SEPTIN7: variants seen among roughly 807,000 people sequenced by gnomAD.
SEPTIN7 encodes the protein septin-7.
In SEPTIN7, 10 loss-of-function variants were observed where a neutral mutation model predicts 63.3. That is an observed-to-expected ratio of 0.16 (90% CI 0.10 to 0.27). SEPTIN7 has a LOEUF of 0.27. Among genes scored for constraint, SEPTIN7 ranks in the 10% least tolerant of loss-of-function variants. The pLI is 1.00. For missense variants in SEPTIN7, 310 were observed against 521.0 expected, an observed-to-expected ratio of 0.59 and a Z score of 3.94; for synonymous variants, 131 against 165.3, an observed-to-expected ratio of 0.79 and a Z score of 1.59.
chr7:35,891,014 G>A (rs1276557758), intron 11 of SEPTIN7, among the ~76,000 whole-genome samples: 2 of 152,142 alleles, frequency 1.3e-5, no homozygotes, highest in Non-Finnish European at 2.9e-5. Context: ...TGGAAACAAA[G>A]GACAGGCTTT....
chr7:35,882,456 CT>C, intron 7 of SEPTIN7, 27 bp from the exon 8 acceptor site: 1 of 1,421,772 alleles, frequency 7.0e-7, no homozygotes, highest in Non-Finnish European at 9.4e-7. Flanking sequence ...GTATGGTGCT[CT>C]TTTGCTGACT....
intron 7 of SEPTIN7, among the ~76,000 whole-genome samples, chr7:35,880,236 T>TC (rs1229919284): frequency 6.8e-6 from 1 of 146,092 alleles, no homozygotes; most frequent in Non-Finnish European, 1.5e-5. Context: ...TTTTTTTTTT[T>TC]TTTTTTTGAA....
chr7:35,821,247 G>A (rs529811795), intron 1 of SEPTIN7, among the ~76,000 whole-genome samples: 2 of 152,294 alleles, frequency 1.3e-5, no homozygotes, highest in African/African-American at 4.8e-5. Flanking sequence ...CAAGCTTTTA[G>A]TTAATTTCCA....
chr7:35,827,851 G>A (rs540938504), intron 1 of SEPTIN7, among the ~76,000 whole-genome samples: 2 of 152,126 alleles, frequency 1.3e-5, no homozygotes. Flanking sequence ...CCATATTTTT[G>A]TATCTGATAG....
rs181477962 is a variant in SEPTIN7 at position 35,849,763 on chromosome 7, A to G, written c.170-13789A>G. On this transcript the variant is annotated intron_variant, in intron 3 of 13. Transcript: ENST00000350320. ...ACCATTTGGCTTCTCTCCTTAACAC[A>G]AAACTACTTTTATTAAAGATCAGTA... 2.8e-4 allele frequency among the ~76,000 whole-genome samples: 43 copies of G among 152,322 alleles called. 1 individual carries two copies. Among genetic ancestry groups the G allele is most frequent in the South Asian group, 2.3e-3 (11 of 4,826 alleles).
intron 11 of SEPTIN7, among the ~76,000 whole-genome samples, chr7:35,896,781 G>T (rs1259376429): frequency 6.6e-6 from 1 of 152,178 alleles, no homozygotes; most frequent in Non-Finnish European, 1.5e-5. Context: ...TTAGCATGTA[G>T]AAGTTTTCTT....
intron 3 of SEPTIN7, among the ~76,000 whole-genome samples, chr7:35,861,969 C>T (rs1213271573): frequency 6.6e-6 from 1 of 152,154 alleles, no homozygotes; most frequent in African/African-American, 2.4e-5. Context: ...TTGTTTTTCA[C>T]AGGTCCTGTA....
intron 11 of SEPTIN7, among the ~76,000 whole-genome samples, chr7:35,892,724 T>C (rs1435705116): frequency 1.3e-5 from 2 of 151,914 alleles, no homozygotes; most frequent in Non-Finnish European, 1.5e-5. Context: ...TATACAAAAT[T>C]CTACTGTGTG....
intron 10 of SEPTIN7, chr7:35,890,459 A>G (rs937108563): frequency 1.3e-5 from 4 of 305,396 alleles, no homozygotes; most frequent in African/African-American, 2.2e-5. Flanking sequence ...TGGAATCTAA[A>G]TTTGGTGTCA....
intron 6 of SEPTIN7, among the ~76,000 whole-genome samples, chr7:35,875,426 A>T (rs1407021335): frequency 1.4e-4 from 21 of 152,160 alleles, no homozygotes; most frequent in Admixed American, 1.2e-3. Flanking sequence ...CTGAAATTCC[A>T]TGCAGTCTAA....
At chr7:35,828,731 A>G (rs1783649229) in intron 1 of SEPTIN7, among the ~76,000 whole-genome samples, 3 of 151,938 alleles carry the variant, frequency 2.0e-5, no homozygotes, top group Admixed American at 2.0e-4. Context: ...TTTCAATAGT[A>G]TCTGCATGGC....
intron 1 of SEPTIN7, among the ~76,000 whole-genome samples, chr7:35,827,468 A>C (rs773370669): frequency 2.6e-5 from 4 of 152,148 alleles, no homozygotes; most frequent in Admixed American, 2.0e-4. Flanking sequence ...TGACAAGTCT[A>C]TATGTTTTAA....
In SEPTIN7 at chr7:35,904,301, A is replaced by G. The variant is rs757904169; in HGVS notation, c.*8A>G. On this transcript the variant is annotated 3_prime_UTR_variant, in exon 14 of 14. Coordinates refer to ENST00000350320, the MANE Select transcript of SEPTIN7 (RefSeq NM_001788.6). ...AAAGGGAAGATCTTTTAAACTCTCT[A>G]TTGACCACCAGTTAACGTATTAGTT... is the stretch of plus-strand genomic sequence containing the variant. The G allele has an allele frequency of 1.1e-5, 17 of 1,556,576 alleles. No individual in the cohort carries two copies. Among genetic ancestry groups the G allele is most frequent in the Admixed American group, 3.9e-5 (2 of 51,866 alleles).
rs1355473688 is a variant in SEPTIN7, at chr7:35,906,099, CAAT to C, written c.*1809_*1811del. On this transcript the variant is annotated 3_prime_UTR_variant, in exon 14 of 14. Coordinates refer to ENST00000350320, the MANE Select transcript of SEPTIN7 (RefSeq NM_001788.6). ...AATTGTTTGGTTTTAGGGAGGCTAA[CAAT>C]AACCTACTGAATTTGGAAAATGCAA... 2 of 151,924 alleles carry C rather than the reference CAAT, an allele frequency of 1.3e-5. No individual in the cohort carries two copies. The highest frequency in any genetic ancestry group is 4.8e-5 in the African/African-American group (2 of 41,358). The allele number at this position is 151,924 out of a possible 1,614,324, so 9.4% of individuals were successfully genotyped here.
intron 4 of SEPTIN7, among the ~76,000 whole-genome samples, chr7:35,867,248 C>G (rs1328255291): frequency 6.6e-6 from 1 of 152,008 alleles, no homozygotes; most frequent in Non-Finnish European, 1.5e-5. Flanking sequence ...AATATAGATA[C>G]CCAGATTAAC....
intron 6 of SEPTIN7, among the ~76,000 whole-genome samples, chr7:35,874,298 A>G (rs1255374133): frequency 6.6e-6 from 1 of 152,132 alleles, no homozygotes. Context: ...TATTGTCAGT[A>G]CTAATCTTTT....
chr7:35,880,926 C>G (rs1786837056), intron 7 of SEPTIN7, among the ~76,000 whole-genome samples: 1 of 152,002 alleles, frequency 6.6e-6, no homozygotes, highest in Non-Finnish European at 1.5e-5. Flanking sequence ...AAGGTCAATT[C>G]TGGAACCTTT....
intron 9 of SEPTIN7, 25 bp from the exon 10 acceptor site, chr7:35,885,803 T>G (rs1384461033): frequency 8.3e-6 from 13 of 1,572,696 alleles, no homozygotes; most frequent in Non-Finnish European, 1.1e-5. Flanking sequence ...AAATATAACA[T>G]ATGCGGTCTG....
chr7:35,832,179 T>C (rs1783865020), intron 2 of SEPTIN7: 7 of 443,988 alleles, frequency 1.6e-5, no homozygotes, highest in South Asian at 1.1e-4. Context: ...TGGATAAACC[T>C]GAAGATAAAG....
Sources: allele counts gnomAD v4.1 joint callset (sites outside exome capture counted in the v4.1 genomes callset), GRCh38; gene constraint gnomAD v4.1.1; transcripts MANE v1.5; gene names NCBI Gene and HGNC (gene_info 2026-07-23, HGNC 2026-07-21).